The following KCNK9 variants were observed in gnomAD, a reference collection of about 807,000 sequenced individuals.
The protein encoded by KCNK9 is potassium channel subfamily K member 9.
A neutral mutation model predicts 10.8 loss-of-function variants in KCNK9; 1 was observed. The ratio of observed to expected loss-of-function variants is 0.09; its 90% CI spans 0.03 to 0.44. KCNK9 has a LOEUF of 0.44. Ranked by LOEUF, KCNK9 falls within the 20% of genes least tolerant of loss-of-function variation. The pLI, the probability that KCNK9 is intolerant of heterozygous loss-of-function variation, is 0.97. For synonymous variants in KCNK9, 231 were observed against 222.7 expected (o/e 1.04, Z -0.33); for missense variants, 303 against 515.0 (o/e 0.59, Z 3.98).
At position 139,703,056 on chromosome 8, in the gene KCNK9, C is replaced by G; in HGVS notation, c.-64G>C. On this transcript the variant is annotated 5_prime_UTR_variant, in exon 1 of 2. Coordinates refer to ENST00000520439, the MANE Select transcript of KCNK9 (RefSeq NM_001282534.2). This position sits in a 1 kb window ranked among gnomAD's most constrained non-coding sequence, Gnocchi z 6.4. ...CAGGCTCACAGCCGCGCGCGTCCCA[C>G]TGCAGCGCCCGGCGGCCGCCGCCGC... is the stretch of plus-strand genomic sequence containing the variant. 1 of 1,340,870 alleles carries G rather than the reference C, an allele frequency of 7.5e-7. No homozygotes were observed. Among genetic ancestry groups the G allele is most frequent in the Non-Finnish European group, 9.5e-7 (1 of 1,048,296 alleles). The allele number at this position is 1,340,870 out of a possible 1,614,324, so 83.1% of individuals were successfully genotyped here.
chr8:139,625,121 C>T (rs548209455), intron 1 of KCNK9, among the ~76,000 whole-genome samples: 3 of 151,954 alleles, frequency 2.0e-5, no homozygotes, highest in East Asian at 1.9e-4. Flanking sequence ...GCCTCTGAGC[C>T]GAGCCCCACC....
intron 1 of KCNK9, among the ~76,000 whole-genome samples, chr8:139,632,583 A>G (rs1288006926): frequency 6.6e-6 from 1 of 152,178 alleles, no homozygotes; most frequent in Non-Finnish European, 1.5e-5. Context: ...GCAGGGTTCC[A>G]GGCCTGGCCC....
intron 1 of KCNK9, among the ~76,000 whole-genome samples, chr8:139,640,816 A>G (rs1815483551): frequency 6.6e-6 from 1 of 152,194 alleles, no homozygotes; most frequent in South Asian, 2.1e-4. Flanking sequence ...CACAGAAACA[A>G]GCTGTATTTT....
At chr8:139,654,458 C>T (rs993385428) in intron 1 of KCNK9, among the ~76,000 whole-genome samples, 50 of 152,208 alleles carry the variant, frequency 3.3e-4, no homozygotes, top group African/African-American at 1.1e-3. Flanking sequence ...TGACCCATCC[C>T]CACCCCCTTC....
chr8:139,694,291 C>T (rs1197003135), intron 1 of KCNK9, among the ~76,000 whole-genome samples: 2 of 152,226 alleles, frequency 1.3e-5, no homozygotes, highest in Non-Finnish European at 2.9e-5. Flanking sequence ...CACAACAAAG[C>T]TGCCACTCAC....
chr8:139,625,163 C>A (rs1203904087), intron 1 of KCNK9, among the ~76,000 whole-genome samples: 1 of 151,988 alleles, frequency 6.6e-6, no homozygotes, highest in Non-Finnish European at 1.5e-5. Flanking sequence ...GGGGGTCAGA[C>A]CTTCCAGCCC....
In KCNK9 at chr8:139,603,515, G is replaced by A. The variant is rs556259638; in HGVS notation, c.*1-1914C>T. ...CATAAAGTCCAAGAAAGATGGTTTC[G>A]TATTTTAAGGCAAATTCCTTACTTG... On this transcript the variant is annotated intron_variant, in intron 2 of 2. Transcript: ENST00000650269. Among the ~76,000 whole-genome samples the A allele has an allele frequency of 1.8e-4, 27 of 152,318 alleles. No homozygotes were observed. The South Asian group carries it at 4.6e-3, about 26-fold the overall frequency.
In KCNK9 at chr8:139,702,813, C is replaced by T. The variant is rs141511044; in HGVS notation, c.180G>A (p.Arg60=). 6.2e-7 allele frequency: 1 copy of T among 1,614,020 alleles called. No individual in the cohort carries two copies. Among genetic ancestry groups the T allele is most frequent in the South Asian group, 1.1e-5 (1 of 91,086 alleles). ...GKYNISSEDY[R]QLELVILQSE... is the part of the protein sequence containing the mutation. ...ACTGCAGGATCACCAGCTCCAGCTG[C>T]CGGTAGTCCTCGCTGCTGATGTTGT... is the stretch of plus-strand genomic sequence containing the variant. Residue 60 remains arginine (R), a synonymous_variant, in exon 1 of 2, where the codon CGG becomes CGA. Transcript: ENST00000520439. The surrounding 1 kb of genome is among the most constrained non-coding windows in gnomAD (Gnocchi z 7.5).
At chr8:139,610,544 G>T (rs188200542), downstream of KCNK9, among the ~76,000 whole-genome samples, 4 of 152,330 alleles carry the variant, frequency 2.6e-5, no homozygotes, top group African/African-American at 7.2e-5. Flanking sequence ...TATCCAGAAA[G>T]ATCCCCATAT....
intron 1 of KCNK9, among the ~76,000 whole-genome samples, chr8:139,691,346 G>A (rs1816930266): frequency 1.3e-5 from 2 of 152,214 alleles, no homozygotes; most frequent in Non-Finnish European, 2.9e-5. Context: ...AAGGCCACCT[G>A]AAGACCACTA....
intron 1 of KCNK9, among the ~76,000 whole-genome samples, chr8:139,666,843 G>A (rs1220129503): frequency 1.3e-5 from 2 of 152,324 alleles, no homozygotes; most frequent in South Asian, 4.1e-4. Flanking sequence ...CAGCCTTAAG[G>A]CACCTGCCCC....
At position 139,702,167 on chromosome 8, in the gene KCNK9, G is replaced by A. The variant is rs1030605168; in HGVS notation, c.283+543C>T. ...GAAAAAAGGAGCCGGGCGGGGGGAA[G>A]AGAGATGAAATCTGAGCTCAGAGAA... On this transcript the variant is annotated intron_variant, in intron 1 of 1. Coordinates refer to ENST00000520439, the MANE Select transcript of KCNK9 (RefSeq NM_001282534.2). The surrounding 1 kb of genome is among the most constrained non-coding windows in gnomAD (Gnocchi z 7.5). Among the ~76,000 whole-genome samples, 1 of 152,300 alleles carries A rather than the reference G, an allele frequency of 6.6e-6. No homozygotes were observed. The highest frequency in any genetic ancestry group is 2.4e-5 in the African/African-American group (1 of 41,558).
At chr8:139,645,656 C>G (rs560109585) in intron 1 of KCNK9, among the ~76,000 whole-genome samples, 2 of 152,150 alleles carry the variant, frequency 1.3e-5, no homozygotes, top group African/African-American at 4.8e-5. Context: ...GAGCCCTGCA[C>G]CTGCCCCAGC....
At chr8:139,636,188 A>C (rs148253035) in intron 1 of KCNK9, among the ~76,000 whole-genome samples, 72 of 152,336 alleles carry the variant, frequency 4.7e-4, no homozygotes, top group Non-Finnish European at 9.3e-4. Context: ...TCTTCTTCTC[A>C]TGTCATGCCC....
chr8:139,652,791 C>T (rs1361361455), intron 1 of KCNK9, among the ~76,000 whole-genome samples: 1 of 152,306 alleles, frequency 6.6e-6, no homozygotes, highest in South Asian at 2.1e-4. Flanking sequence ...GGGAGCACCC[C>T]TTGGCATGTG....
chr8:139,694,746 C>T (rs1304735275), intron 1 of KCNK9, among the ~76,000 whole-genome samples: 2 of 152,122 alleles, frequency 1.3e-5, no homozygotes, highest in East Asian at 3.9e-4. Flanking sequence ...CCTCCCTCCA[C>T]CCCATTGCCA....
chr8:139,674,075 C>T (rs560680355), intron 1 of KCNK9, among the ~76,000 whole-genome samples: 112 of 152,320 alleles, frequency 7.4e-4, no homozygotes, highest in African/African-American at 2.6e-3. Context: ...AGCCAACCCA[C>T]GTGGGGTGTA....
At chr8:139,686,980 G>A (rs533471070) in intron 1 of KCNK9, among the ~76,000 whole-genome samples, 1 of 152,074 alleles carries the variant, frequency 6.6e-6, no homozygotes, top group Admixed American at 6.6e-5. Context: ...TGCATGAAGG[G>A]AGGAAAAAAA....
intron 1 of KCNK9, among the ~76,000 whole-genome samples, chr8:139,622,226 C>A (rs1390594306): frequency 6.6e-6 from 1 of 152,278 alleles, no homozygotes; most frequent in African/African-American, 2.4e-5. Flanking sequence ...AGGGGTCTTC[C>A]CCATTAACAC....
Sources: gnomAD v4.1 joint callset for allele counts (sites outside exome capture counted in the v4.1 genomes callset) on GRCh38, gnomAD v4.1.1 for gene constraint, Gnocchi (gnomAD v3.1) non-coding constraint, MANE v1.5 for transcripts, NCBI Gene and HGNC (gene_info 2026-07-23, HGNC 2026-07-21) for gene names.